Variants in GDF7 observed in about 807,000 individuals in gnomAD.
GDF7 encodes growth/differentiation factor 7.
GDF7 carries 12 observed loss-of-function variants against 13.4 expected under a neutral mutation model. That is an observed-to-expected ratio of 0.90 (90% CI 0.57 to 1.45). The LOEUF (loss-of-function observed/expected upper bound fraction) is 1.45. Ranked by LOEUF, GDF7 falls within the 40% of genes most tolerant of loss-of-function variation. The pLI is 0.00. For synonymous variants in GDF7, 330 were observed against 306.4 expected, an observed-to-expected ratio of 1.08 and a Z score of -0.80; for missense variants, 651 against 652.4, an observed-to-expected ratio of 1.00 and a Z score of 0.02.
At position 20,676,976 on chromosome 2, in the gene GDF7, T is replaced by C. The variant is rs10856801; in HGVS notation, c.*5551T>C. 0.47 allele frequency: 71,174 copies of C among 152,210 alleles called. 16,646 individuals are homozygous for C. The highest frequency in any genetic ancestry group is 0.49 in the Non-Finnish European group (33,369 of 68,020). 9.4% of individuals were successfully genotyped at this position (152,210 alleles called of 1,614,324 possible). A position where few individuals can be genotyped will look rare whatever the true frequency, so the allele number is the denominator to read the frequency against. ...TTCTAGCATCTGTGCATGGTGCGCA[T>C]GTGTCTGTGACAACAGAAAGGGTGG... is the stretch of plus-strand genomic sequence containing the variant. On this transcript the variant is annotated 3_prime_UTR_variant, in exon 2 of 2. Coordinates refer to ENST00000272224, the MANE Select transcript of GDF7 (RefSeq NM_182828.4).
chr2:20,671,599 A>T lies in GDF7; in HGVS notation c.*174A>T. The T allele has an allele frequency of 1.5e-6, 1 of 647,850 alleles. No individual in the cohort carries two copies. The highest frequency in any genetic ancestry group is 2.6e-6 in the Non-Finnish European group (1 of 381,976). The allele number at this position is 647,850 out of a possible 1,614,324, so 40.1% of individuals were successfully genotyped here. On this transcript the variant is annotated 3_prime_UTR_variant, in exon 2 of 2. Transcript: ENST00000272224. ...CACTCGTGCAGTCACGCACACATTT[A>T]CCGGGGACAGCATGTGAAAGCCTTG...
In GDF7 at chr2:20,671,212, C is replaced by T. The variant is rs764923788; in HGVS notation, c.1140C>T (p.Gly380=). 2.5e-6 allele frequency: 4 copies of T among 1,613,954 alleles called. No individual in the cohort carries two copies. Among genetic ancestry groups the T allele is most frequent in the South Asian group, 1.1e-5 (1 of 91,088 alleles). ...ACTACGAGGCGTACCACTGCGAGGG[C>T]CTTTGCGACTTCCCTTTGCGTTCGC... ...PLDYEAYHCE[G]LCDFPLRSHL... is the part of the protein sequence containing the mutation. Residue 380 remains glycine, a synonymous_variant, in exon 2 of 2, where the codon GGC becomes GGT. Coordinates refer to ENST00000272224, the MANE Select transcript of GDF7 (RefSeq NM_182828.4).
In GDF7 at chr2:20,671,406, A is replaced by T; in HGVS notation, c.1334A>T (p.Glu445Val). Reference protein sequence around the residue: ...VYKQYEDMVVEACGCR With the variant: ...VYKQYEDMVVVACGCR ...AAGCAATACGAGGACATGGTGGTGG[A>T]GGCCTGCGGCTGCAGGTAGCGCGAG... Residue 445 changes from glutamate (E) to valine (V), a missense_variant, in exon 2 of 2, where the codon GAG (glutamate) becomes GTG (valine). Transcript: ENST00000272224. The T allele has an allele frequency of 6.2e-7, 1 of 1,610,058 alleles. No individual in the cohort carries two copies. Among genetic ancestry groups the T allele is most frequent in the Non-Finnish European group, 8.5e-7 (1 of 1,178,440 alleles).
Position 20,667,452 on chromosome 2 carries a change from C to A in GDF7, c.213C>A (p.Arg71=). The A allele has an allele frequency of 8.8e-7, 1 of 1,140,800 alleles. No homozygotes were observed. Among genetic ancestry groups the A allele is most frequent in the South Asian group, 3.4e-5 (1 of 29,192 alleles). 70.7% of individuals were successfully genotyped at this position (1,140,800 alleles called of 1,614,324 possible). Residue 71 remains arginine (R), a synonymous_variant, in exon 1 of 2, where the codon CGC becomes CGA. Coordinates refer to ENST00000272224, the MANE Select transcript of GDF7 (RefSeq NM_182828.4). This position sits in a 1 kb window ranked among gnomAD's most constrained non-coding sequence, Gnocchi z 6.4. ...AVPAAAVPRA[R]AARRAAGSGF... The stretch of plus-strand genomic sequence containing the variant: ...CGGCCGCCGCGGTTCCCCGGGCCCG[C>A]GCCGCGCGCCGCGCCGCGGGCTCCG...
chr2:20,670,733 C>T lies in GDF7; in HGVS notation c.661C>T (p.Arg221Cys), dbSNP rs1056826451. ...CGTGGCGGACGCCATGAGGCGCCAC[C>T]GTCGTGAACCGCGCCCCCCCCGCGC... ...FDVADAMRRH[R>C]REPRPPRAFC... Residue 221 changes from arginine to cysteine, a missense_variant, in exon 2 of 2, where the codon CGT (arginine) becomes TGT (cysteine). Physicochemically the swap from Arg to Cys is radical, Grantham distance 180. This residue lies in a region of GDF7 where 487 missense variants were observed against 445.9 expected (regional missense o/e 1.09). Transcript: ENST00000272224. The T allele has an allele frequency of 3.4e-6, 5 of 1,478,212 alleles. No homozygotes were observed. The South Asian group carries it at 5.3e-5, about 16-fold the overall frequency. The allele number at this position is 1,478,212 out of a possible 1,614,324, so 91.6% of individuals were successfully genotyped here.
Position 20,672,421 on chromosome 2 carries a change from T to A in GDF7, c.*996T>A, listed in dbSNP as rs1157023685. The A allele has an allele frequency of 6.6e-6, 1 of 152,224 alleles. No homozygotes were observed. Among genetic ancestry groups the A allele is most frequent in the East Asian group, 1.9e-4 (1 of 5,192 alleles). 9.4% of individuals were successfully genotyped at this position (152,224 alleles called of 1,614,324 possible). A position where few individuals can be genotyped will look rare whatever the true frequency, so the allele number is the denominator to read the frequency against. Reference sequence around the variant, plus strand: ...TCCTAAGAAGCCAGGGAAGAGGCTCTCAGGGCTTGAAAGGCAAGGAGGTGT... The same window carrying A: ...TCCTAAGAAGCCAGGGAAGAGGCTCACAGGGCTTGAAAGGCAAGGAGGTGT... On this transcript the variant is annotated 3_prime_UTR_variant, in exon 2 of 2. Transcript: ENST00000272224.
rs1662248026 is a variant in GDF7 at position 20,677,299 on chromosome 2, G to A, written c.*5874G>A. 1 of 152,254 alleles carries A rather than the reference G, an allele frequency of 6.6e-6. No homozygotes were observed. The highest frequency in any genetic ancestry group is 2.1e-4 in the South Asian group (1 of 4,824). 9.4% of individuals were successfully genotyped at this position (152,254 alleles called of 1,614,324 possible). The stretch of plus-strand genomic sequence containing the variant: ...CTGTCTAGAAAAACAAGAAGCTTCT[G>A]TCACACCCAGGCCACTTTCGGCAGA... On this transcript the variant is annotated 3_prime_UTR_variant, in exon 2 of 2. Transcript: ENST00000272224.
chr2:20,671,528 C>A lies in GDF7; in HGVS notation c.*103C>A. Reference sequence around the variant, plus strand: ...AGCGTGGGTGCATGTCCGATGTGACCCAGCACCCTCTCAGAGGAGGGAGAG... The same window carrying A: ...AGCGTGGGTGCATGTCCGATGTGACACAGCACCCTCTCAGAGGAGGGAGAG... On this transcript the variant is annotated 3_prime_UTR_variant, in exon 2 of 2. Transcript: ENST00000272224. The A allele has an allele frequency of 3.2e-6, 4 of 1,239,272 alleles. No individual in the cohort carries two copies. The highest frequency in any genetic ancestry group is 2.2e-5 in the Admixed American group (1 of 44,988). 76.8% of individuals were successfully genotyped at this position (1,239,272 alleles called of 1,614,324 possible).
Position 20,667,660 on chromosome 2 carries a change from C to T in GDF7, c.391+30C>T. On this transcript the variant is annotated intron_variant, in intron 1 of 1. Coordinates refer to ENST00000272224, the MANE Select transcript of GDF7 (RefSeq NM_182828.4). The surrounding 1 kb of genome is among the most constrained non-coding windows in gnomAD (Gnocchi z 6.4). ...TTACGCCTCTTCTGTGCCCGCCCAT[C>T]CCGTCAGGTCCTGGGCTGAGACCAG... The T allele has an allele frequency of 7.3e-7, 1 of 1,372,946 alleles. No individual in the cohort carries two copies. The highest frequency in any genetic ancestry group is 9.4e-7 in the Non-Finnish European group (1 of 1,064,852). The allele number at this position is 1,372,946 out of a possible 1,614,324, so 85.0% of individuals were successfully genotyped here.
Position 20,671,269 on chromosome 2 carries a change from G to C in GDF7, c.1197G>C (p.Gln399His), listed in dbSNP as rs1373132843. Residue 399 changes from glutamine to histidine, a missense_variant, in exon 2 of 2, where the codon CAG becomes CAC. Around this residue, in one of 4 missense-constraint regions of GDF7, gnomAD observed 101 missense variants for 139.2 expected, o/e 0.73. Transcript: ENST00000272224. ...HLEPTNHAII[Q>H]TLLNSMAPDA... ...AGCCCACCAACCATGCCATCATTCA[G>C]ACGCTGCTCAACTCCATGGCACCAG... is the stretch of plus-strand genomic sequence containing the variant. 1 of 1,613,982 alleles carries C rather than the reference G, an allele frequency of 6.2e-7. No individual in the cohort carries two copies. Among genetic ancestry groups the C allele is most frequent in the Non-Finnish European group, 8.5e-7 (1 of 1,179,966 alleles).
rs1466747191 is a variant in GDF7, at chr2:20,674,858, C to T, written c.*3433C>T. 6.6e-6 allele frequency: 1 copy of T among 152,182 alleles called. No homozygotes were observed. The highest frequency in any genetic ancestry group is 1.5e-5 in the Non-Finnish European group (1 of 68,058). The allele number at this position is 152,182 out of a possible 1,614,324, so 9.4% of individuals were successfully genotyped here. A position where few individuals can be genotyped will look rare whatever the true frequency, so the allele number is the denominator to read the frequency against. ...AGGAGTGGGCGCCTCACCTTGGGTA[C>T]TGAAGAGAGTACCGATAATCCCGTG... On this transcript the variant is annotated 3_prime_UTR_variant, in exon 2 of 2. Transcript: ENST00000272224.
Position 20,678,937 on chromosome 2 carries a change from G to C in GDF7, c.*7512G>C, listed in dbSNP as rs933726067. ...GCAGAACTCCGAGGCTTGCAGGCTG[G>C]GCTGTCTCCTTGCTGCCTGGCTTGG... On this transcript the variant is annotated 3_prime_UTR_variant, in exon 2 of 2. Transcript: ENST00000272224. 3.9e-5 allele frequency: 6 copies of C among 152,144 alleles called. No homozygotes were observed. Among genetic ancestry groups the C allele is most frequent in the Non-Finnish European group, 7.3e-5 (5 of 68,034 alleles). The allele number at this position is 152,144 out of a possible 1,614,324, so 9.4% of individuals were successfully genotyped here. A position where few individuals can be genotyped will look rare whatever the true frequency, so the allele number is the denominator to read the frequency against.
rs899756164 is a variant in GDF7 at position 20,670,798 on chromosome 2, G to A, written c.726G>A (p.Pro242=). Residue 242 remains proline, a synonymous_variant, in exon 2 of 2, where the codon CCG becomes CCA. Coordinates refer to ENST00000272224, the MANE Select transcript of GDF7 (RefSeq NM_182828.4). ...TGCGCGCAGTGGCAGGCCCGGTGCCGAGCCCGTTGGCACTGCGGCGGCTGG... is the reference window on the plus strand; with the variant it reads ...TGCGCGCAGTGGCAGGCCCGGTGCCAAGCCCGTTGGCACTGCGGCGGCTGG... ...LLLRAVAGPV[P]SPLALRRLGF... 28 of 1,484,290 alleles carry A rather than the reference G, an allele frequency of 1.9e-5. No individual in the cohort carries two copies. The highest frequency in any genetic ancestry group is 2.5e-5 in the Non-Finnish European group (28 of 1,123,062). 91.9% of individuals were successfully genotyped at this position (1,484,290 alleles called of 1,614,324 possible).
Position 20,677,677 on chromosome 2 carries a change from C to G in GDF7, c.*6252C>G, listed in dbSNP as rs2149313014. ...CCAAAGCAAACGGGGCTAAACTTCC[C>G]TCGAGGACATTTCCTGAGCTGCAAC... On this transcript the variant is annotated 3_prime_UTR_variant, in exon 2 of 2. Transcript: ENST00000272224. 1.3e-5 allele frequency: 2 copies of G among 152,402 alleles called. No individual in the cohort carries two copies. Among genetic ancestry groups the G allele is most frequent in the South Asian group, 4.1e-4 (2 of 4,832 alleles). 9.4% of individuals were successfully genotyped at this position (152,402 alleles called of 1,614,324 possible).
In GDF7 at chr2:20,671,178, C is replaced by T; in HGVS notation, c.1106C>T (p.Ala369Val). 6.2e-7 allele frequency: 1 copy of T among 1,613,460 alleles called. No homozygotes were observed. The highest frequency in any genetic ancestry group is 1.1e-5 in the South Asian group (1 of 91,080). The change falls in exon 2 of 2, where the codon GCG (alanine) becomes GTG (valine). Residue 369 changes from alanine (A) to valine (V), a missense_variant. By Grantham distance (64) the Ala-to-Val change is moderately conservative (BLOSUM62 0). Coordinates refer to ENST00000272224, the MANE Select transcript of GDF7 (RefSeq NM_182828.4). ...KELGWDDWIIAPLDYEAYHCE... is the reference protein window; with the variant it reads ...KELGWDDWIIVPLDYEAYHCE... ...CTCGGCTGGGACGACTGGATCATCG[C>T]GCCGCTGGACTACGAGGCGTACCAC...
chr2:20,667,769 C>A lies in GDF7; in HGVS notation c.391+139C>A, dbSNP rs1253160816. ...CTCAGGTGATAGAAAGAAACTTCGC[C>A]GAGGCCAACACTCTCCAGCCCGCTG... On this transcript the variant is annotated intron_variant, in intron 1 of 1. Coordinates refer to ENST00000272224, the MANE Select transcript of GDF7 (RefSeq NM_182828.4). The surrounding 1 kb of genome is among the most constrained non-coding windows in gnomAD (Gnocchi z 6.4). 2.5e-5 allele frequency: 14 copies of A among 564,306 alleles called. No individual in the cohort carries two copies. Among genetic ancestry groups the A allele is most frequent in the Non-Finnish European group, 3.7e-5 (14 of 376,930 alleles). The allele number at this position is 564,306 out of a possible 1,614,324, so 35.0% of individuals were successfully genotyped here. A position where few individuals can be genotyped will look rare whatever the true frequency, so the allele number is the denominator to read the frequency against.
At position 20,671,568 on chromosome 2, in the gene GDF7, C is replaced by T. The variant is rs1019043291; in HGVS notation, c.*143C>T. ...AGGAGGGAGAGCACACGTTCACACT[C>T]ACACACACTCGTGCAGTCACGCACA... is the stretch of plus-strand genomic sequence containing the variant. On this transcript the variant is annotated 3_prime_UTR_variant, in exon 2 of 2. Coordinates refer to ENST00000272224, the MANE Select transcript of GDF7 (RefSeq NM_182828.4). The T allele has an allele frequency of 2.2e-5, 17 of 777,552 alleles. No individual in the cohort carries two copies. The highest frequency in any genetic ancestry group is 2.7e-5 in the Non-Finnish European group (13 of 490,326). The allele number at this position is 777,552 out of a possible 1,614,324, so 48.2% of individuals were successfully genotyped here.
At position 20,677,654 on chromosome 2, in the gene GDF7, A is replaced by G. The variant is rs1662254340; in HGVS notation, c.*6229A>G. 1 of 152,286 alleles carries G rather than the reference A, an allele frequency of 6.6e-6. No individual in the cohort carries two copies. Among genetic ancestry groups the G allele is most frequent in the African/African-American group, 2.4e-5 (1 of 41,478 alleles). The allele number at this position is 152,286 out of a possible 1,614,324, so 9.4% of individuals were successfully genotyped here. The stretch of plus-strand genomic sequence containing the variant: ...ATTAGAAGGAAACAGGAACGAATCC[A>G]AAGCAAACGGGGCTAAACTTCCCTC... On this transcript the variant is annotated 3_prime_UTR_variant, in exon 2 of 2. Transcript: ENST00000272224.
intron 1 of GDF7, among the ~76,000 whole-genome samples, chr2:20,668,014 A>AG (rs922674657): frequency 6.6e-6 from 1 of 152,244 alleles, no homozygotes; most frequent in Non-Finnish European, 1.5e-5. Flanking sequence ...TCACGGCGAG[A>AG]GGGACTGCAC....
Sources: gnomAD v4.1 joint callset for allele counts (sites outside exome capture counted in the v4.1 genomes callset) on GRCh38, gnomAD v4.1.1 for gene constraint, gnomAD v4.1.1 regional missense constraint, Gnocchi (gnomAD v3.1) non-coding constraint, MANE v1.5 for transcripts, NCBI Gene and HGNC (gene_info 2026-07-23, HGNC 2026-07-21) for gene names.